SH3RF2: variants seen among roughly 807,000 people sequenced by gnomAD.
SH3RF2 encodes SH3 domain containing ring finger 2.
A neutral mutation model predicts 59.0 loss-of-function variants in SH3RF2; 43 were observed. The ratio of observed to expected loss-of-function variants is 0.73; its 90% CI spans 0.57 to 0.94. The LOEUF (loss-of-function observed/expected upper bound fraction) is 0.94. Among genes scored for constraint, SH3RF2 ranks in the 40% least tolerant of loss-of-function variants. The pLI is 0.00. For missense variants in SH3RF2, 930 were observed against 940.1 expected, an observed-to-expected ratio of 0.99 and a Z score of 0.14; for synonymous variants, 391 against 391.5, an observed-to-expected ratio of 1.00 and a Z score of 0.01.
downstream of SH3RF2, among the ~76,000 whole-genome samples, chr5:146,067,087 T>C (rs1333353683): frequency 6.6e-6 from 1 of 152,094 alleles, no homozygotes; most frequent in Non-Finnish European, 1.5e-5. Context: ...TCCCTGTGTG[T>C]GTGGAACCCG....
intron 9 of SH3RF2, among the ~76,000 whole-genome samples, chr5:146,077,342 A>G (rs1212887030): frequency 6.6e-6 from 1 of 152,260 alleles, no homozygotes; most frequent in Admixed American, 6.5e-5. Context: ...GAGTTTGGTC[A>G]TCAAAATACA....
At chr5:146,033,877 C>T (rs189788331) in intron 5 of SH3RF2, among the ~76,000 whole-genome samples, 125 of 152,282 alleles carry the variant, frequency 8.2e-4, no homozygotes, top group African/African-American at 2.9e-3. Flanking sequence ...CACTCCTCCC[C>T]CACAAATATA....
At chr5:145,993,392 T>C (rs1760026838) in intron 2 of SH3RF2, among the ~76,000 whole-genome samples, 1 of 152,198 alleles carries the variant, frequency 6.6e-6, no homozygotes, top group Admixed American at 6.5e-5. Flanking sequence ...TAGTAGGGAC[T>C]CTGTGGGGGG....
intron 9 of SH3RF2, among the ~76,000 whole-genome samples, chr5:146,072,143 C>A (rs1357619744): frequency 6.6e-6 from 1 of 152,122 alleles, no homozygotes; most frequent in African/African-American, 2.4e-5. Context: ...AAATCCTGAC[C>A]CCACTTGTCA....
intron 2 of SH3RF2, among the ~76,000 whole-genome samples, chr5:145,993,708 G>A (rs6859134): frequency 0.037 from 5,681 of 152,292 alleles, 336 homozygotes; most frequent in African/African-American, 0.13. Flanking sequence ...AACACAGCAC[G>A]GGGACCCTGG....
chr5:146,058,805 T>A (rs1164169194), intron 8 of SH3RF2, among the ~76,000 whole-genome samples: 1 of 150,318 alleles, frequency 6.7e-6, no homozygotes, highest in Non-Finnish European at 1.5e-5. Flanking sequence ...TGGATGGGGA[T>A]CTCCTGCCTT....
chr5:146,036,399 A>G (rs1161225966), intron 5 of SH3RF2, among the ~76,000 whole-genome samples: 2 of 152,146 alleles, frequency 1.3e-5, no homozygotes, highest in African/African-American at 2.4e-5. Context: ...TTAAAATAAA[A>G]ATTGTTTTTA....
At chr5:146,061,240 G>A (rs958938061) in intron 9 of SH3RF2, among the ~76,000 whole-genome samples, 3 of 152,150 alleles carry the variant, frequency 2.0e-5, no homozygotes, top group African/African-American at 4.8e-5. Flanking sequence ...AGCTCAGGGA[G>A]TTAAAGAACA....
intron 2 of SH3RF2, among the ~76,000 whole-genome samples, chr5:145,952,180 G>T (rs956322515): frequency 5.9e-5 from 9 of 152,096 alleles, no homozygotes; most frequent in Admixed American, 4.6e-4. Context: ...CTGGTCCAGG[G>T]TTCAGTTGCT....
At chr5:146,078,290 G>A (rs1231661907) in intron 9 of SH3RF2, among the ~76,000 whole-genome samples, 3 of 152,200 alleles carry the variant, frequency 2.0e-5, no homozygotes, top group African/African-American at 7.2e-5. Context: ...CACAAGCAAT[G>A]AGGAAACAGA....
chr5:146,062,390 C>T (rs1207777520), intron 9 of SH3RF2, 36 bp from the exon 10 acceptor site: 12 of 1,602,640 alleles, frequency 7.5e-6, no homozygotes, highest in South Asian at 5.6e-5. Flanking sequence ...CATCTCCCAC[C>T]TCACCTGTGT....
intron 4 of SH3RF2, among the ~76,000 whole-genome samples, chr5:146,012,373 C>G (rs1760938999): frequency 6.6e-6 from 1 of 152,088 alleles, no homozygotes; most frequent in Non-Finnish European, 1.5e-5. Flanking sequence ...TGATGCTGGC[C>G]TCATAAAATG....
intron 5 of SH3RF2, among the ~76,000 whole-genome samples, chr5:146,042,265 T>C (rs1299214001): frequency 6.6e-6 from 1 of 152,198 alleles, no homozygotes; most frequent in African/African-American, 2.4e-5. Flanking sequence ...GGTCCTGCTC[T>C]CAGTCCAAGA....
At chr5:145,982,838 G>C (rs1300871874) in intron 2 of SH3RF2, among the ~76,000 whole-genome samples, 1 of 152,226 alleles carries the variant, frequency 6.6e-6, no homozygotes, top group Non-Finnish European at 1.5e-5. Context: ...TATTTAAGCT[G>C]AGACCTAAAA....
rs144692488 is a variant in SH3RF2, at chr5:146,075,188, G to A, written c.*34-3272G>A. Among the ~76,000 whole-genome samples, 332 of 152,264 alleles carry A rather than the reference G, an allele frequency of 2.2e-3. 3 individuals carry two copies. Among genetic ancestry groups the A allele is most frequent in the African/African-American group, 7.8e-3 (323 of 41,548 alleles). ...ACCTGTAGGATTTTCTATTCTTTGA[G>A]ATAATTATGAAGCAGGATCACAAGA... On this transcript the variant is annotated intron_variant, in intron 9 of 9. Transcript: ENST00000511217.
At chr5:146,030,396 A>G (rs1761699637) in intron 5 of SH3RF2, among the ~76,000 whole-genome samples, 1 of 152,198 alleles carries the variant, frequency 6.6e-6, no homozygotes, top group Non-Finnish European at 1.5e-5. Context: ...GAGCACGGAG[A>G]GAGTTTACTA....
At chr5:146,076,108 G>T (rs1763338423) in intron 9 of SH3RF2, among the ~76,000 whole-genome samples, 1 of 152,174 alleles carries the variant, frequency 6.6e-6, no homozygotes, top group Non-Finnish European at 1.5e-5. Context: ...TGGAAGGTCA[G>T]ATTAATGTGG....
At chr5:145,975,823 T>C (rs1169419824) in intron 2 of SH3RF2, among the ~76,000 whole-genome samples, 2 of 152,264 alleles carry the variant, frequency 1.3e-5, no homozygotes, top group Non-Finnish European at 2.9e-5. Flanking sequence ...AAATCCCTGC[T>C]CTGTGCCTCA....
intron 2 of SH3RF2, among the ~76,000 whole-genome samples, chr5:145,963,958 C>G (rs112725494): frequency 0.077 from 11,734 of 151,828 alleles, 1,533 homozygotes; most frequent in African/African-American, 0.27. Flanking sequence ...TCAGCCTCCC[C>G]AGTAGTTGGG....
Sources: allele counts gnomAD v4.1 joint callset (sites outside exome capture counted in the v4.1 genomes callset), GRCh38; gene constraint gnomAD v4.1.1; transcripts MANE v1.5; gene names NCBI Gene and HGNC (gene_info 2026-07-23, HGNC 2026-07-21).